CCNY: variants seen among roughly 807,000 people sequenced by gnomAD.
The protein encoded by CCNY is cyclin Y.
CCNY carries 19 observed loss-of-function variants against 42.8 expected under a neutral mutation model. The observed-to-expected ratio is 0.44, with a 90% CI of 0.31 to 0.65. The LOEUF (loss-of-function observed/expected upper bound fraction) is 0.65, where lower values mean the gene tolerates loss of function less well. CCNY is among the 30% of genes least tolerant of loss of function. The probability of loss-of-function intolerance (pLI) is 0.07; values close to 1 mark genes in which losing one functional copy is unlikely to be tolerated. For missense variants in CCNY, 370 were observed against 437.3 expected (o/e 0.85, Z 1.37); for synonymous variants, 165 against 162.7 (o/e 1.01, Z -0.11).
chr10:35,552,221 T>C (rs1841273192), intron 7 of CCNY, among the ~76,000 whole-genome samples: 2 of 152,178 alleles, frequency 1.3e-5, no homozygotes, highest in African/African-American at 4.8e-5. Context: ...TGCCACAACA[T>C]GGGTGAACCT....
intron 8 of CCNY, among the ~76,000 whole-genome samples, chr10:35,561,908 A>T (rs573334870): frequency 6.6e-6 from 1 of 152,358 alleles, no homozygotes; most frequent in East Asian, 1.9e-4. Context: ...CACCAGCACC[A>T]GTCAGATGTT....
At chr10:35,556,938 G>A (rs991150897) in intron 8 of CCNY, among the ~76,000 whole-genome samples, 8 of 151,540 alleles carry the variant, frequency 5.3e-5, no homozygotes, top group Admixed American at 3.9e-4. Context: ...TTCGCTTCCC[G>A]GGTTCAAGCA....
intron 1 of CCNY, among the ~76,000 whole-genome samples, chr10:35,362,678 G>C (rs760429879): frequency 2.0e-5 from 3 of 152,212 alleles, no homozygotes; most frequent in Non-Finnish European, 2.9e-5. Context: ...CACACACAAG[G>C]CTGTCACTTC....
At chr10:35,393,271 A>C (rs1837453701) in intron 1 of CCNY, among the ~76,000 whole-genome samples, 1 of 152,210 alleles carries the variant, frequency 6.6e-6, no homozygotes, top group South Asian at 2.1e-4. Flanking sequence ...TGACTTGAGG[A>C]AAGATGAGGC....
rs879681124 is a variant in CCNY at position 35,304,294 on chromosome 10, A to AT, written c.-9+53684dup. Among the ~76,000 whole-genome samples the AT allele has an allele frequency of 2.0e-3, 218 of 110,860 alleles. 38 individuals are homozygous for AT. Among genetic ancestry groups the AT allele is most frequent in the East Asian group, 5.2e-3 (20 of 3,854 alleles). The allele number at this position is 110,860 out of a possible 152,430, so 72.7% of individuals were successfully genotyped here. A position where few individuals can be genotyped will look rare whatever the true frequency, so the allele number is the denominator to read the frequency against. On this transcript the variant is annotated intron_variant, in intron 3 of 11. Coordinates refer to the CCNY transcript ENST00000374706. ...CTTGAAAAGGCTTTTTTCTCCTTTT[A>AT]TTTTTTTTTTTTTTTTATTTTTTAT...
chr10:35,382,101 T>TA (rs929741240), intron 1 of CCNY, among the ~76,000 whole-genome samples: 1 of 152,248 alleles, frequency 6.6e-6, no homozygotes. Flanking sequence ...ATGTGTTAGA[T>TA]ATGCCGTTGT....
chr10:35,405,967 A>G (rs1203774737), intron 1 of CCNY, among the ~76,000 whole-genome samples: 11 of 152,164 alleles, frequency 7.2e-5, no homozygotes, highest in Non-Finnish European at 1.5e-5. Flanking sequence ...AGGAAGTTCT[A>G]GAGGAACCCC....
chr10:35,540,564 C>CTTTTTTTTTTTTTTTTTTTTTTTT (rs561129843), intron 7 of CCNY, among the ~76,000 whole-genome samples: 1 of 144,802 alleles, frequency 6.9e-6, no homozygotes, highest in African/African-American at 2.5e-5. Flanking sequence ...ATTCCTTCTA[C>CTTTTTTTTTTTTTTTTTTTTTTTT]TTTTTTTTTT....
intron 1 of CCNY, among the ~76,000 whole-genome samples, chr10:35,431,170 T>G (rs745307155): frequency 2.6e-5 from 4 of 151,734 alleles, no homozygotes; most frequent in Non-Finnish European, 5.9e-5. Context: ...ACCTTTCTGG[T>G]GAATATGTTT....
chr10:35,315,990 C>A (rs1226726045), intron 3 of CCNY, among the ~76,000 whole-genome samples: 1 of 152,138 alleles, frequency 6.6e-6, no homozygotes, highest in East Asian at 1.9e-4. Flanking sequence ...ACTACTCTAT[C>A]CCATATAAGT....
chr10:35,382,939 A>G (rs1330384236), intron 1 of CCNY, among the ~76,000 whole-genome samples: 2 of 152,218 alleles, frequency 1.3e-5, no homozygotes, highest in Non-Finnish European at 2.9e-5. Flanking sequence ...TAGAGAGTCA[A>G]CCATACTACA....
intron 1 of CCNY, among the ~76,000 whole-genome samples, chr10:35,451,872 G>A (rs1838925958): frequency 6.6e-6 from 1 of 152,206 alleles, no homozygotes; most frequent in Admixed American, 6.5e-5. Flanking sequence ...TCACCCAGGC[G>A]AGCCACACAT....
At chr10:35,449,107 G>A (rs1838856359) in intron 1 of CCNY, among the ~76,000 whole-genome samples, 1 of 151,896 alleles carries the variant, frequency 6.6e-6, no homozygotes, top group South Asian at 2.1e-4. Flanking sequence ...GGAGCTGAAC[G>A]GGCAGCATGG....
At chr10:35,350,947 A>G (rs1836416826) in intron 1 of CCNY, among the ~76,000 whole-genome samples, 1 of 152,246 alleles carries the variant, frequency 6.6e-6, no homozygotes, top group Admixed American at 6.5e-5. Context: ...TCAGTTCCTT[A>G]GAAAGTATGT....
intron 1 of CCNY, among the ~76,000 whole-genome samples, chr10:35,408,170 A>C (rs1008443523): frequency 6.6e-6 from 1 of 152,158 alleles, no homozygotes; most frequent in African/African-American, 2.4e-5. Flanking sequence ...AATTGGGGAG[A>C]TGTTCCTTGG....
intron 1 of CCNY, among the ~76,000 whole-genome samples, chr10:35,358,413 G>A (rs370593036): frequency 2.0e-5 from 3 of 152,170 alleles, no homozygotes; most frequent in African/African-American, 7.2e-5. Flanking sequence ...AGAGAGTTAT[G>A]TATCTGCTCT....
At chr10:35,380,646 A>G (rs1406118992) in intron 1 of CCNY, among the ~76,000 whole-genome samples, 1 of 152,214 alleles carries the variant, frequency 6.6e-6, no homozygotes, top group Non-Finnish European at 1.5e-5. Context: ...ATCACCTCCC[A>G]ATAGCCTTTT....
chr10:35,464,594 C>T (rs983326075), intron 1 of CCNY, among the ~76,000 whole-genome samples: 157 of 149,466 alleles, frequency 1.1e-3, no homozygotes, highest in African/African-American at 3.6e-3. Context: ...ACCCTTGTGT[C>T]TTTGGTGTAC....
chr10:35,551,562 A>G (rs1484190866), intron 7 of CCNY, among the ~76,000 whole-genome samples: 1 of 150,958 alleles, frequency 6.6e-6, no homozygotes, highest in Non-Finnish European at 1.5e-5. Context: ...CACTTTGCAA[A>G]TGCATTTGAT....
Sources: gnomAD v4.1 joint callset for allele counts (sites outside exome capture counted in the v4.1 genomes callset) on GRCh38, gnomAD v4.1.1 for gene constraint, MANE v1.5 for transcripts, NCBI Gene and HGNC (gene_info 2026-07-23, HGNC 2026-07-21) for gene names.